ZBTB8A: variants seen among roughly 807,000 people sequenced by gnomAD.
The protein encoded by ZBTB8A is zinc finger and BTB domain-containing protein 8A.
In ZBTB8A, 19 loss-of-function variants were observed where a neutral mutation model predicts 37.8. That is an observed-to-expected ratio of 0.50 (90% CI 0.35 to 0.74). The LOEUF is 0.74. Ranked by LOEUF, ZBTB8A falls within the 30% of genes least tolerant of loss-of-function variation. The pLI is 0.01. For synonymous variants in ZBTB8A, 181 were observed against 185.2 expected (o/e 0.98, Z 0.19); for missense variants, 394 against 537.8 (o/e 0.73, Z 2.65).
chr1:32,594,598 G>A (rs1239977676), intron 3 of ZBTB8A, among the ~76,000 whole-genome samples: 1 of 151,760 alleles, frequency 6.6e-6, no homozygotes, highest in East Asian at 1.9e-4. Context: ...ATGTCTCTAC[G>A]AAAAATACAA....
intron 2 of ZBTB8A, among the ~76,000 whole-genome samples, chr1:32,578,444 C>T (rs966295976): frequency 1.3e-5 from 2 of 151,972 alleles, no homozygotes; most frequent in Non-Finnish European, 2.9e-5. Context: ...ATCTCCTGAC[C>T]TCAAGTGATC....
chr1:32,561,013 C>T (rs1644240326), intron 2 of ZBTB8A, among the ~76,000 whole-genome samples: 1 of 152,056 alleles, frequency 6.6e-6, no homozygotes, highest in South Asian at 2.1e-4. Context: ...TCTTACTGCT[C>T]TCTGATTTGA....
At chr1:32,545,618 C>CT (rs1468721484) in intron 1 of ZBTB8A, among the ~76,000 whole-genome samples, 1 of 152,174 alleles carries the variant, frequency 6.6e-6, no homozygotes, top group East Asian at 1.9e-4. Flanking sequence ...AGATCTAGCT[C>CT]TTACATACTT....
Position 32,600,377 on chromosome 1 carries a change from T to C in ZBTB8A, c.1284T>C (p.Ser428=), listed in dbSNP as rs1557720298. 6 of 1,613,284 alleles carry C rather than the reference T, an allele frequency of 3.7e-6. No individual in the cohort carries two copies. In the East Asian group the frequency reaches 1.3e-4, roughly 36 times the overall value. The change falls in exon 5 of 5, where the codon AGT becomes AGC. Residue 428 remains serine (S), a synonymous_variant. Transcript: ENST00000373510. ...TGGTCATCCAACAGGTTGATGATAG[T>C]GAAGAAGAAGAAGAAAAAGAAATTA... ...ADLVIQQVDD[S]EEEEEKEIKP... is the part of the protein sequence containing the mutation.
chr1:32,540,941 G>A (rs1212169579), intron 1 of ZBTB8A, among the ~76,000 whole-genome samples: 1 of 152,238 alleles, frequency 6.6e-6, no homozygotes, highest in Non-Finnish European at 1.5e-5. Context: ...GGGACTCCAG[G>A]AAGGAGGCCA....
intron 2 of ZBTB8A, among the ~76,000 whole-genome samples, chr1:32,558,723 C>A (rs1346703981): frequency 1.3e-5 from 2 of 151,996 alleles, no homozygotes; most frequent in African/African-American, 4.8e-5. Flanking sequence ...AGAAAGGAGA[C>A]ACAGATGAAG....
chr1:32,575,173 T>G (rs1644350106), intron 2 of ZBTB8A, among the ~76,000 whole-genome samples: 1 of 151,952 alleles, frequency 6.6e-6, no homozygotes, highest in South Asian at 2.1e-4. Context: ...TTGTTTCCTA[T>G]TTATGCCAAC....
chr1:32,584,852 G>C (rs867329249), intron 2 of ZBTB8A, among the ~76,000 whole-genome samples: 4 of 151,666 alleles, frequency 2.6e-5, no homozygotes, highest in East Asian at 1.9e-4. Flanking sequence ...AATTTTAGCA[G>C]TGTTTCCATT....
chr1:32,562,066 C>A (rs764436585), intron 2 of ZBTB8A, among the ~76,000 whole-genome samples: 8 of 151,544 alleles, frequency 5.3e-5, no homozygotes, highest in Non-Finnish European at 8.8e-5. Flanking sequence ...TCTCCTGCCT[C>A]AGCCTCCAAA....
chr1:32,547,187 A>C (rs931716538), intron 1 of ZBTB8A, among the ~76,000 whole-genome samples: 33 of 151,564 alleles, frequency 2.2e-4, no homozygotes, highest in African/African-American at 8.0e-4. Flanking sequence ...TATAGATATG[A>C]GCTACCATGC....
At chr1:32,559,893 T>C (rs1465386457) in intron 2 of ZBTB8A, among the ~76,000 whole-genome samples, 2 of 152,128 alleles carry the variant, frequency 1.3e-5, no homozygotes, top group Non-Finnish European at 2.9e-5. Flanking sequence ...CTCAGCCCCC[T>C]TGCCACCTGT....
chr1:32,593,003 T>C lies in ZBTB8A; in HGVS notation c.72T>C (p.Cys24=). ...AGCAGCGCAGGCAAGATGTATTTTG[T>C]GACTGCAGTATTCTAGTTGAAGGGA... is the stretch of plus-strand genomic sequence containing the variant. ...LNEQRRQDVF[C]DCSILVEGKV... The change falls in exon 3 of 5, where the codon TGT becomes TGC. Residue 24 remains cysteine (C), a synonymous_variant. Transcript: ENST00000373510. 1 of 1,614,254 alleles carries C rather than the reference T, an allele frequency of 6.2e-7. No individual in the cohort carries two copies. Among genetic ancestry groups the C allele is most frequent in the South Asian group, 1.1e-5 (1 of 91,084 alleles).
At chr1:32,554,323 G>C (rs191323915) in intron 2 of ZBTB8A, among the ~76,000 whole-genome samples, 255 of 150,722 alleles carry the variant, frequency 1.7e-3, no homozygotes, top group African/African-American at 6.1e-3. Context: ...TGGTCTCCCT[G>C]TTCACTGATT....
chr1:32,548,895 A>ACAAAAC (rs1644128111), intron 1 of ZBTB8A, among the ~76,000 whole-genome samples: 1 of 152,188 alleles, frequency 6.6e-6, no homozygotes, highest in Non-Finnish European at 1.5e-5. Flanking sequence ...ATTGATAAAA[A>ACAAAAC]GAAATACCTG....
Position 32,559,679 on chromosome 1 carries a change from G to A in ZBTB8A, c.-2+6139G>A, listed in dbSNP as rs142227080. Among the ~76,000 whole-genome samples, 563 of 152,172 alleles carry A rather than the reference G, an allele frequency of 3.7e-3. 8 individuals are homozygous for A. In the East Asian group the frequency reaches 0.043, roughly 12 times the overall value. ...GGGGTTTCGCCATGTTGCCCAGGCT[G>A]GTCTCCAACTCCAGGGCTCAAGCGA... On this transcript the variant is annotated intron_variant, in intron 2 of 4. Coordinates refer to ENST00000373510, the MANE Select transcript of ZBTB8A (RefSeq NM_001040441.3).
intron 1 of ZBTB8A, among the ~76,000 whole-genome samples, chr1:32,546,342 G>A (rs1348639319): frequency 6.6e-6 from 1 of 152,072 alleles, no homozygotes; most frequent in African/African-American, 2.4e-5. Context: ...TACTCAGGAG[G>A]CTGAGGCATG....
intron 2 of ZBTB8A, among the ~76,000 whole-genome samples, chr1:32,557,208 A>C (rs532301105): frequency 6.6e-6 from 1 of 152,212 alleles, no homozygotes; most frequent in Admixed American, 6.5e-5. Flanking sequence ...AAGCTGAGGC[A>C]GGAGAATCAC....
intron 2 of ZBTB8A, among the ~76,000 whole-genome samples, chr1:32,573,492 G>A (rs1484497125): frequency 2.7e-5 from 4 of 150,842 alleles, no homozygotes; most frequent in African/African-American, 9.7e-5. Context: ...ATGTGTGGTG[G>A]CATGATCATG....
chr1:32,547,815 AAAAC>A (rs1226266689), intron 1 of ZBTB8A, among the ~76,000 whole-genome samples: 3 of 147,314 alleles, frequency 2.0e-5, no homozygotes, highest in Non-Finnish European at 3.0e-5. Flanking sequence ...TCTAAAACAA[AAAAC>A]AAACAAAGCA....
Sources: allele counts gnomAD v4.1 joint callset (sites outside exome capture counted in the v4.1 genomes callset), GRCh38; gene constraint gnomAD v4.1.1; transcripts MANE v1.5; gene names NCBI Gene and HGNC (gene_info 2026-07-23, HGNC 2026-07-21).